Variants in IL23R observed in about 807,000 individuals in gnomAD.
IL23R encodes interleukin-23 receptor.
A neutral mutation model predicts 56.9 loss-of-function variants in IL23R; 34 were observed. That is an observed-to-expected ratio of 0.60 (90% CI 0.45 to 0.80). The LOEUF is 0.80. IL23R is among the 30% of genes least tolerant of loss of function. The pLI, the probability that IL23R is intolerant of heterozygous loss-of-function variation, is 0.00. For synonymous variants in IL23R, 230 were observed against 249.2 expected (o/e 0.92, Z 0.73); for missense variants, 635 against 730.0 (o/e 0.87, Z 1.50).
At chr1:67,166,909 A>T (rs11465760) in intron 1 of IL23R, among the ~76,000 whole-genome samples, 2,917 of 152,246 alleles carry the variant, frequency 0.019, 88 homozygotes, top group African/African-American at 0.066. Flanking sequence ...GTTCTCTTGT[A>T]GTTTTATAGA....
intron 2 of IL23R, among the ~76,000 whole-genome samples, chr1:67,168,815 G>A (rs187583925): frequency 2.0e-5 from 3 of 152,226 alleles, no homozygotes; most frequent in Admixed American, 1.3e-4. Context: ...GACACTTAGA[G>A]AAGCTTCCAG....
chr1:67,214,969 A>G (rs1649736458), intron 6 of IL23R, among the ~76,000 whole-genome samples: 3 of 152,174 alleles, frequency 2.0e-5, no homozygotes, highest in Non-Finnish European at 1.5e-5. Flanking sequence ...AACATTGTGA[A>G]ACTCCCTGCC....
At chr1:67,155,216 C>T (rs1646761416) in intron 1 of IL23R, among the ~76,000 whole-genome samples, 1 of 152,076 alleles carries the variant, frequency 6.6e-6, no homozygotes, top group Non-Finnish European at 1.5e-5. Flanking sequence ...TCTGGCTGCC[C>T]TTAACAGTTT....
intron 7 of IL23R, among the ~76,000 whole-genome samples, chr1:67,234,236 G>A (rs1651307780): frequency 6.6e-6 from 1 of 152,112 alleles, no homozygotes; most frequent in Admixed American, 6.5e-5. Context: ...TCAGTCCTAT[G>A]TCTAACATTG....
downstream of IL23R, among the ~76,000 whole-genome samples, chr1:67,261,512 T>TAG (rs1030809629): frequency 2.0e-5 from 3 of 151,982 alleles, no homozygotes; most frequent in African/African-American, 7.2e-5. Context: ...TATGTATATA[T>TAG]TTTTTGTACT....
At chr1:67,258,393 A>C in intron 10 of IL23R, 85 bp from the exon 11 acceptor site, 2 of 1,042,928 alleles carry the variant, frequency 1.9e-6, no homozygotes, top group South Asian at 3.4e-5. Context: ...AGTTGAAAGA[A>C]AGCAAAATTC....
intron 4 of IL23R, among the ~76,000 whole-genome samples, chr1:67,194,725 G>T (rs967320142): frequency 6.6e-6 from 1 of 152,118 alleles, no homozygotes; most frequent in Non-Finnish European, 1.5e-5. Flanking sequence ...ATATAATGTG[G>T]TTTTCTCTAA....
chr1:67,148,353 A>C (rs1018867521), intron 1 of IL23R, among the ~76,000 whole-genome samples: 3 of 152,220 alleles, frequency 2.0e-5, no homozygotes, highest in Non-Finnish European at 2.9e-5. Flanking sequence ...AGGGGAGGGG[A>C]CCCAAAGGGG....
At chr1:67,211,808 A>G (rs1251487524) in intron 6 of IL23R, among the ~76,000 whole-genome samples, 1 of 152,174 alleles carries the variant, frequency 6.6e-6, no homozygotes, top group Non-Finnish European at 1.5e-5. Flanking sequence ...GGTGCTACAT[A>G]GGCCATCTTG....
intron 1 of IL23R, among the ~76,000 whole-genome samples, chr1:67,153,397 G>C (rs914217625): frequency 6.6e-6 from 1 of 151,868 alleles, no homozygotes; most frequent in African/African-American, 2.4e-5. Flanking sequence ...CAGAAAATCA[G>C]CTCCTGGATT....
chr1:67,263,080 G>A (rs1052111686), downstream of IL23R, among the ~76,000 whole-genome samples: 1 of 148,414 alleles, frequency 6.7e-6, no homozygotes, highest in African/African-American at 2.5e-5. Flanking sequence ...GTACGTGTGT[G>A]TGCGTGTGTG....
intron 7 of IL23R, among the ~76,000 whole-genome samples, chr1:67,219,963 T>C (rs554977533): frequency 6.6e-6 from 1 of 152,246 alleles, no homozygotes; most frequent in East Asian, 1.9e-4. Flanking sequence ...CGCAGCTACT[T>C]GGGAAGCTGA....
At chr1:67,254,249 G>C (rs1042180415) in intron 9 of IL23R, among the ~76,000 whole-genome samples, 2 of 151,732 alleles carry the variant, frequency 1.3e-5, no homozygotes, top group Non-Finnish European at 2.9e-5. Flanking sequence ...TTATATTTTT[G>C]GTGGAGACGG....
At chr1:67,216,550 T>C (rs1418155131) in intron 6 of IL23R, among the ~76,000 whole-genome samples, 1 of 152,204 alleles carries the variant, frequency 6.6e-6, no homozygotes, top group Non-Finnish European at 1.5e-5. Context: ...CAACTCTGTG[T>C]TTGTAGCGTG....
intron 1 of IL23R, among the ~76,000 whole-genome samples, chr1:67,158,553 C>CA (rs1570763164): frequency 1.3e-5 from 2 of 151,980 alleles, no homozygotes; most frequent in East Asian, 3.9e-4. Flanking sequence ...AGGTTGTTGC[C>CA]ATGAAAAGGG....
At chr1:67,195,323 A>G (rs998922983) in intron 4 of IL23R, among the ~76,000 whole-genome samples, 4 of 152,208 alleles carry the variant, frequency 2.6e-5, no homozygotes, top group Non-Finnish European at 5.9e-5. Context: ...GTGAGCCACC[A>G]TGCCTGGCCT....
intron 3 of IL23R, 53 bp from the exon 4 acceptor site, chr1:67,182,783 C>G (rs1161233349): frequency 1.9e-6 from 3 of 1,609,876 alleles, no homozygotes; most frequent in Non-Finnish European, 2.5e-6. Context: ...GGCTTGGGAC[C>G]AGAGAACTTC....
intron 8 of IL23R, among the ~76,000 whole-genome samples, chr1:67,239,759 A>C (rs1651732989): frequency 6.6e-6 from 1 of 152,210 alleles, no homozygotes; most frequent in Non-Finnish European, 1.5e-5. Flanking sequence ...GACAAATTGC[A>C]CACATTCTAT....
intron 9 of IL23R, among the ~76,000 whole-genome samples, chr1:67,243,359 T>C (rs1391305431): frequency 3.3e-5 from 5 of 152,060 alleles, no homozygotes; most frequent in Non-Finnish European, 7.4e-5. Context: ...GTGCAGAACA[T>C]GCAGGTTCGT....
Sources: allele counts gnomAD v4.1 joint callset (sites outside exome capture counted in the v4.1 genomes callset), GRCh38; gene constraint gnomAD v4.1.1; transcripts MANE v1.5; gene names NCBI Gene and HGNC (gene_info 2026-07-23, HGNC 2026-07-21).